The following VSTM4 variants were observed in gnomAD, a reference collection of about 807,000 sequenced individuals.
The protein encoded by VSTM4 is V-set and transmembrane domain-containing protein 4.
Under a neutral mutation model 36.4 loss-of-function variants are expected in VSTM4, and 20 were observed. The ratio of observed to expected loss-of-function variants is 0.55; its 90% CI spans 0.39 to 0.80. The LOEUF (loss-of-function observed/expected upper bound fraction) is 0.80, where lower values mean the gene tolerates loss of function less well. VSTM4 is among the 30% of genes least tolerant of loss of function. VSTM4 has a pLI of 0.00. For missense variants in VSTM4, 392 were observed against 404.5 expected (o/e 0.97, Z 0.26); for synonymous variants, 182 against 173.9 (o/e 1.05, Z -0.37).
At chr10:49,096,668 T>TG (rs1564593231) in intron 2 of VSTM4, among the ~76,000 whole-genome samples, 8 of 147,156 alleles carry the variant, frequency 5.4e-5, no homozygotes, top group East Asian at 2.0e-4. Context: ...TGTGTGTGTG[T>TG]TTTGAGACGG....
At position 49,015,698 on chromosome 10, in the gene VSTM4, A is replaced by C; in HGVS notation, c.*3952T>G. The C allele has an allele frequency of 6.6e-6, 1 of 152,280 alleles. No individual in the cohort carries two copies. Among genetic ancestry groups the C allele is most frequent in the Non-Finnish European group, 1.5e-5 (1 of 68,124 alleles). 9.4% of individuals were successfully genotyped at this position (152,280 alleles called of 1,614,324 possible). A position where few individuals can be genotyped will look rare whatever the true frequency, so the allele number is the denominator to read the frequency against. Reference sequence around the variant, plus strand: ...CACTTTTTAATGGGCTCCAAATGACACAGAGCTGGGTCACCTGGGTCTCAC... The same window carrying C: ...CACTTTTTAATGGGCTCCAAATGACCCAGAGCTGGGTCACCTGGGTCTCAC... On this transcript the variant is annotated 3_prime_UTR_variant, in exon 8 of 8. Coordinates refer to ENST00000332853, the MANE Select transcript of VSTM4 (RefSeq NM_001031746.5).
chr10:49,031,562 A>G lies in VSTM4; in HGVS notation c.838-11787T>C, dbSNP rs191187304. On this transcript the variant is annotated intron_variant, in intron 7 of 7. Coordinates refer to ENST00000332853, the MANE Select transcript of VSTM4 (RefSeq NM_001031746.5). ...AACACTTTGAGACGTTTTGGAAAGTATATGTGCTAAACGCTAATGAACACC... is the reference window on the plus strand; with the variant it reads ...AACACTTTGAGACGTTTTGGAAAGTGTATGTGCTAAACGCTAATGAACACC... Among the ~76,000 whole-genome samples, 39 of 152,370 alleles carry G rather than the reference A, an allele frequency of 2.6e-4. 1 individual carries two copies. Among genetic ancestry groups the G allele is most frequent in the Admixed American group, 2.5e-3 (38 of 15,312 alleles).
In VSTM4 at chr10:49,049,775, C is replaced by T. The variant is rs1013821843; in HGVS notation, c.669-1191G>A. ...GACTTCTTTTTTTTTTTTTCCAAAT[C>T]AAAATGGCTGCAGTCAAATGTGAGG... is the stretch of plus-strand genomic sequence containing the variant. On this transcript the variant is annotated intron_variant, in intron 5 of 7. Coordinates refer to ENST00000332853, the MANE Select transcript of VSTM4 (RefSeq NM_001031746.5). 4.0e-5 allele frequency among the ~76,000 whole-genome samples: 6 copies of T among 149,804 alleles called. No individual in the cohort carries two copies. The East Asian group carries it at 9.7e-4, about 24-fold the overall frequency.
chr10:49,109,999 A>C (rs1844863045), intron 1 of VSTM4, among the ~76,000 whole-genome samples: 1 of 152,178 alleles, frequency 6.6e-6, no homozygotes, highest in Non-Finnish European at 1.5e-5. Context: ...CTCCCTGGTG[A>C]GGAATGCAGC....
At chr10:49,083,993 T>G (rs113534714) in intron 3 of VSTM4, among the ~76,000 whole-genome samples, 22 of 152,154 alleles carry the variant, frequency 1.4e-4, no homozygotes, top group Non-Finnish European at 2.9e-5. Context: ...AGCTGTCACA[T>G]CCCTAGTGAT....
chr10:49,044,364 T>C (rs1267066979), intron 7 of VSTM4, among the ~76,000 whole-genome samples: 1 of 71,360 alleles, frequency 1.4e-5, no homozygotes, highest in Non-Finnish European at 2.9e-5. Context: ...AGAAAATTAA[T>C]GACAAGAAAA....
At chr10:49,032,078 T>C (rs1204516420) in intron 7 of VSTM4, among the ~76,000 whole-genome samples, 1 of 151,842 alleles carries the variant, frequency 6.6e-6, no homozygotes, top group Non-Finnish European at 1.5e-5. Context: ...GTTCTACTGC[T>C]CTCAGAGCAC....
At chr10:49,071,985 A>C (rs960941603) in intron 4 of VSTM4, among the ~76,000 whole-genome samples, 1 of 152,206 alleles carries the variant, frequency 6.6e-6, no homozygotes, top group African/African-American at 2.4e-5. Flanking sequence ...AATTTTAATC[A>C]AGGTGATGCA....
chr10:49,114,579 G>A (rs926090609), intron 1 of VSTM4, among the ~76,000 whole-genome samples: 1 of 120,142 alleles, frequency 8.3e-6, no homozygotes, highest in African/African-American at 3.9e-5. Context: ...GATTAACCAA[G>A]TTCATGTTTT....
intron 2 of VSTM4, chr10:49,103,740 C>T: frequency 1.2e-6 from 2 of 1,613,314 alleles, no homozygotes; most frequent in Non-Finnish European, 1.7e-6. Flanking sequence ...TTTTATCTCA[C>T]ATCAAGAACT....
intron 7 of VSTM4, among the ~76,000 whole-genome samples, chr10:49,024,407 G>C (rs1415959516): frequency 1.3e-5 from 2 of 152,158 alleles, no homozygotes; most frequent in African/African-American, 2.4e-5. Context: ...TCAAAGGAAG[G>C]CTGCAATAAA....
chr10:49,047,206 G>A (rs1015306127), intron 6 of VSTM4, among the ~76,000 whole-genome samples, 162 bp from the exon 7 acceptor site: 7 of 152,268 alleles, frequency 4.6e-5, no homozygotes, highest in East Asian at 1.9e-4. Context: ...CTCGGCGGGC[G>A]TGATCCTCCC....
rs1843153088 is a variant in VSTM4 at position 49,019,724 on chromosome 10, G to T, written c.889C>A (p.Pro297Thr). Residue 297 changes from proline to threonine, a missense_variant, in exon 8 of 8, where the codon CCC (proline) becomes ACC (threonine). By Grantham distance (38) the Pro-to-Thr change is conservative. Coordinates refer to ENST00000332853, the MANE Select transcript of VSTM4 (RefSeq NM_001031746.5). Reference sequence around the variant, plus strand: ...GGGGCGCCTTTGGCAGCCCGGTGGGGTTTGATCAGCTCCAGTTCGGCATAG... The same window carrying T: ...GGGGCGCCTTTGGCAGCCCGGTGGGTTTTGATCAGCTCCAGTTCGGCATAG... The part of the protein sequence containing the change: ...LTYAELELIK[P>T]HRAAKGAPTS... The T allele has an allele frequency of 1.2e-6, 2 of 1,613,932 alleles. No individual in the cohort carries two copies. The highest frequency in any genetic ancestry group is 8.5e-7 in the Non-Finnish European group (1 of 1,179,996).
chr10:49,055,835 A>G (rs1451885301), intron 5 of VSTM4, among the ~76,000 whole-genome samples: 1 of 152,258 alleles, frequency 6.6e-6, no homozygotes, highest in Non-Finnish European at 1.5e-5. Context: ...TCTAGTGCAC[A>G]GTAAGTGCCT....
intron 1 of VSTM4, among the ~76,000 whole-genome samples, chr10:49,111,582 C>G (rs1375967687): frequency 6.6e-6 from 1 of 152,140 alleles, no homozygotes; most frequent in South Asian, 2.1e-4. Flanking sequence ...CACTCAGGCC[C>G]GAAGAAGAAA....
At chr10:49,059,474 C>G (rs980287966) in intron 5 of VSTM4, among the ~76,000 whole-genome samples, 1 of 152,162 alleles carries the variant, frequency 6.6e-6, no homozygotes, top group African/African-American at 2.4e-5. Context: ...TACTTCCAGC[C>G]TCAGTCAGCC....
At chr10:49,079,072 T>TC (rs1007339555) in intron 3 of VSTM4, among the ~76,000 whole-genome samples, 4 of 151,954 alleles carry the variant, frequency 2.6e-5, no homozygotes, top group African/African-American at 7.3e-5. Context: ...CTTCAGGTGA[T>TC]CCCCCCACCT....
intron 5 of VSTM4, chr10:49,064,452 C>T (rs570083104): frequency 1.6e-5 from 8 of 502,158 alleles, no homozygotes; most frequent in African/African-American, 1.2e-4. Flanking sequence ...CAGGACCATA[C>T]ACCAAGCCTC....
At chr10:49,025,304 AG>A (rs1843243205) in intron 7 of VSTM4, among the ~76,000 whole-genome samples, 1 of 152,158 alleles carries the variant, frequency 6.6e-6, no homozygotes, top group South Asian at 2.1e-4. Flanking sequence ...GCCTTCCTGA[AG>A]GGGAGATGAG....
Sources: gnomAD v4.1 joint callset for allele counts (sites outside exome capture counted in the v4.1 genomes callset) on GRCh38, gnomAD v4.1.1 for gene constraint, MANE v1.5 for transcripts, NCBI Gene and HGNC (gene_info 2026-07-23, HGNC 2026-07-21) for gene names.